The following PCDHGC3 variants were observed in gnomAD, a reference collection of about 807,000 sequenced individuals.
The protein encoded by PCDHGC3 is protocadherin gamma-C3.
In PCDHGC3, 26 loss-of-function variants were observed where a neutral mutation model predicts 59.2. The observed-to-expected ratio is 0.44, with a 90% CI of 0.32 to 0.61. PCDHGC3 has a LOEUF of 0.61. PCDHGC3 is among the 20% of genes least tolerant of loss of function. The pLI is 0.05. For synonymous variants in PCDHGC3, 487 were observed against 519.7 expected, an observed-to-expected ratio of 0.94 and a Z score of 0.86; for missense variants, 1,080 against 1,221.8, an observed-to-expected ratio of 0.88 and a Z score of 1.73.
In PCDHGC3 at chr5:141,486,329, A is replaced by C. The variant is rs1045072240; in HGVS notation, c.2430+7783A>C. 1.2e-6 allele frequency: 2 copies of C among 1,613,882 alleles called. No individual in the cohort carries two copies. Among genetic ancestry groups the C allele is most frequent in the African/African-American group, 2.7e-5 (2 of 74,866 alleles). ...AGACTCAGGGTCAAACGGAGATGTG[A>C]GCCTCCGCATTCCTGACCACTTGCC... On this transcript the variant is annotated intron_variant, in intron 1 of 3. Transcript: ENST00000308177. The surrounding 1 kb of genome is among the most constrained non-coding windows in gnomAD (Gnocchi z 5.0).
Position 141,477,286 on chromosome 5 carries a change from A to G in PCDHGC3, c.1170A>G (p.Glu390=), listed in dbSNP as rs1367207950. 1.9e-6 allele frequency: 3 copies of G among 1,614,194 alleles called. No individual in the cohort carries two copies. Among genetic ancestry groups the G allele is most frequent in the Non-Finnish European group, 8.5e-7 (1 of 1,180,034 alleles). ...GCGAGAACGGGCTGGTGACCTGCGA[A>G]GTTCCACCGGGTCTCCCTTTCAGCC... ...DAGENGLVTC[E]VPPGLPFSLT... is the part of the protein sequence containing the mutation. The change falls in exon 1 of 4, where the codon GAA becomes GAG. Residue 390 remains glutamate (E), a synonymous_variant. Coordinates refer to ENST00000308177, the MANE Select transcript of PCDHGC3 (RefSeq NM_002588.4). The surrounding 1 kb of genome is among the most constrained non-coding windows in gnomAD (Gnocchi z 4.9).
Position 141,476,472 on chromosome 5 carries a change from T to C in PCDHGC3, c.356T>C (p.Phe119Ser). Residue 119 changes from phenylalanine (F) to serine (S), a missense_variant, in exon 1 of 4, where the codon TTC (phenylalanine) becomes TCC (serine). By Grantham distance (155) the Phe-to-Ser change is radical. Coordinates refer to ENST00000308177, the MANE Select transcript of PCDHGC3 (RefSeq NM_002588.4). The surrounding 1 kb of genome is among the most constrained non-coding windows in gnomAD (Gnocchi z 7.6). The part of the protein sequence containing the change: ...ELVVENPLEL[F>S]SVEVVIQDIN... The stretch of plus-strand genomic sequence containing the variant: ...GTAGTGGAGAACCCGCTGGAGCTGT[T>C]CAGCGTGGAAGTGGTGATCCAGGAC... 1 of 1,614,098 alleles carries C rather than the reference T, an allele frequency of 6.2e-7. No homozygotes were observed. The highest frequency in any genetic ancestry group is 8.5e-7 in the Non-Finnish European group (1 of 1,180,024).
rs774682943 is a variant in PCDHGC3 at position 141,493,841 on chromosome 5, T to G, written c.2431-966T>G. Among the ~76,000 whole-genome samples the G allele has an allele frequency of 3.3e-5, 5 of 152,024 alleles. No homozygotes were observed. Among genetic ancestry groups the G allele is most frequent in the Non-Finnish European group, 7.4e-5 (5 of 68,010 alleles). On this transcript the variant is annotated intron_variant, in intron 1 of 3. Transcript: ENST00000308177. This position sits in a 1 kb window ranked among gnomAD's most constrained non-coding sequence, Gnocchi z 4.3. The stretch of plus-strand genomic sequence containing the variant: ...CTCTGCTTCTGGGAGCAAGTATGAG[T>G]ATTAATTACCAGCCCACCCCAGAAC...
intron 2 of PCDHGC3, among the ~76,000 whole-genome samples, chr5:141,496,468 C>T (rs1410143575): frequency 2.0e-5 from 3 of 152,126 alleles, no homozygotes; most frequent in Non-Finnish European, 4.4e-5. Context: ...AGTTATCTTT[C>T]CCCCATCCTG....
At chr5:141,495,073 C>T (rs1464039604) in intron 2 of PCDHGC3, among the ~76,000 whole-genome samples, 1 of 152,186 alleles carries the variant, frequency 6.6e-6, no homozygotes, top group Non-Finnish European at 1.5e-5. Flanking sequence ...GCTCAATTCA[C>T]ATGCTTGCCC....
intron 1 of PCDHGC3, among the ~76,000 whole-genome samples, chr5:141,482,985 C>T (rs971017271): frequency 1.3e-5 from 2 of 151,372 alleles, no homozygotes; most frequent in East Asian, 1.9e-4. Context: ...CTTGAGAGGT[C>T]GAGGCAGGAG....
In PCDHGC3 at chr5:141,476,850, A is replaced by G. The variant is rs747333239; in HGVS notation, c.734A>G (p.Asn245Ser). The G allele has an allele frequency of 1.2e-6, 2 of 1,613,836 alleles. No individual in the cohort carries two copies. Among genetic ancestry groups the G allele is most frequent in the Admixed American group, 3.3e-5 (2 of 60,030 alleles). ...LDANDNAPVF[N>S]QSLYRARVLE... ...GCGAATGACAATGCGCCTGTCTTCA[A>G]CCAGTCCTTGTACCGGGCGCGCGTC... is the stretch of plus-strand genomic sequence containing the variant. Residue 245 changes from asparagine (N) to serine (S), a missense_variant, in exon 1 of 4, where the codon AAC becomes AGC. Asn to Ser is a conservative substitution (Grantham distance 46, BLOSUM62 1). Transcript: ENST00000308177. The surrounding 1 kb of genome is among the most constrained non-coding windows in gnomAD (Gnocchi z 7.6).
chr5:141,488,751 C>T (rs1185515068), intron 1 of PCDHGC3, among the ~76,000 whole-genome samples: 1 of 152,154 alleles, frequency 6.6e-6, no homozygotes, highest in Non-Finnish European at 1.5e-5. Context: ...CAGGAAGTTG[C>T]TGGGACAGAA....
chr5:141,489,844 C>T lies in PCDHGC3; in HGVS notation c.2431-4963C>T, dbSNP rs1004902910. 4.3e-6 allele frequency: 7 copies of T among 1,614,148 alleles called. No homozygotes were observed. The African/African-American group carries it at 9.3e-5, about 22-fold the overall frequency. ...GCTGGTGCTAGAGCAGCAGCTGGAT[C>T]GTGAAGCCCAGGCAAGACATCAGCT... On this transcript the variant is annotated intron_variant, in intron 1 of 3. Transcript: ENST00000308177. The surrounding 1 kb of genome is among the most constrained non-coding windows in gnomAD (Gnocchi z 4.5).
chr5:141,492,859 C>T (rs966216924), intron 1 of PCDHGC3, among the ~76,000 whole-genome samples: 1 of 152,232 alleles, frequency 6.6e-6, no homozygotes, highest in Non-Finnish European at 1.5e-5. Flanking sequence ...CTCGAGCGCC[C>T]TGGCTCTCAA....
intron 2 of PCDHGC3, among the ~76,000 whole-genome samples, chr5:141,496,748 C>T (rs1382244657): frequency 6.6e-6 from 1 of 152,130 alleles, no homozygotes; most frequent in African/African-American, 2.4e-5. Flanking sequence ...ATTTATTCAA[C>T]AAATATTTAT....
At position 141,476,518 on chromosome 5, in the gene PCDHGC3, T is replaced by C; in HGVS notation, c.402T>C (p.Ala134=). 1 of 1,614,214 alleles carries C rather than the reference T, an allele frequency of 6.2e-7. No individual in the cohort carries two copies. Among genetic ancestry groups the C allele is most frequent in the Non-Finnish European group, 8.5e-7 (1 of 1,180,038 alleles). ...VIQDINDNNP[A]FPTQEMKLEI... ...AGGACATCAACGACAACAATCCTGC[T>C]TTCCCTACCCAGGAAATGAAATTGG... is the stretch of plus-strand genomic sequence containing the variant. Residue 134 remains alanine, a synonymous_variant, in exon 1 of 4, where the codon GCT becomes GCC. Transcript: ENST00000308177. This position sits in a 1 kb window ranked among gnomAD's most constrained non-coding sequence, Gnocchi z 7.6.
In PCDHGC3 at chr5:141,511,402, A is replaced by C; in HGVS notation, c.*229A>C. On this transcript the variant is annotated 3_prime_UTR_variant, in exon 4 of 4. Transcript: ENST00000308177. Reference sequence around the variant, plus strand: ...TTCCGCTGGGAACCCCCATCCAATCAACTGCTGTACCCATGGGGGTAGTGG... The same window carrying C: ...TTCCGCTGGGAACCCCCATCCAATCCACTGCTGTACCCATGGGGGTAGTGG... The C allele has an allele frequency of 1.0e-6, 1 of 969,684 alleles. No individual in the cohort carries two copies. 60.1% of individuals were successfully genotyped at this position (969,684 alleles called of 1,614,324 possible).
Position 141,489,065 on chromosome 5 carries a change from C to T in PCDHGC3, c.2431-5742C>T, listed in dbSNP as rs558074504. On this transcript the variant is annotated intron_variant, in intron 1 of 3. Coordinates refer to ENST00000308177, the MANE Select transcript of PCDHGC3 (RefSeq NM_002588.4). This position sits in a 1 kb window ranked among gnomAD's most constrained non-coding sequence, Gnocchi z 4.5. ...CCACTCAAATTCAGCTCCCCTCCCC[C>T]CTGCCCACCCCCGCCACTCGGTGAC... 3.3e-5 allele frequency: 13 copies of T among 388,932 alleles called. 1 individual carries two copies. Among genetic ancestry groups the T allele is most frequent in the African/African-American group, 8.5e-5 (4 of 47,158 alleles). 24.1% of individuals were successfully genotyped at this position (388,932 alleles called of 1,614,324 possible).
At position 141,489,657 on chromosome 5, in the gene PCDHGC3, G is replaced by T. The variant is rs755618175; in HGVS notation, c.2431-5150G>T. 6.2e-7 allele frequency: 1 copy of T among 1,614,198 alleles called. No individual in the cohort carries two copies. Among genetic ancestry groups the T allele is most frequent in the Admixed American group, 1.7e-5 (1 of 60,030 alleles). ...CTAGCTTTGCCACCCCTGAGCGAGA[G>T]ATGCGCATCTCAGAATCAGCAGCAT... On this transcript the variant is annotated intron_variant, in intron 1 of 3. Coordinates refer to ENST00000308177, the MANE Select transcript of PCDHGC3 (RefSeq NM_002588.4). This position sits in a 1 kb window ranked among gnomAD's most constrained non-coding sequence, Gnocchi z 4.5.
chr5:141,478,519 G>T lies in PCDHGC3; in HGVS notation c.2403G>T (p.Leu801Phe), dbSNP rs778194073. 1.2e-5 allele frequency: 19 copies of T among 1,610,728 alleles called. No individual in the cohort carries two copies. The highest frequency in any genetic ancestry group is 1.6e-5 in the Non-Finnish European group (19 of 1,178,412). The change falls in exon 1 of 4, where the codon TTG becomes TTT. Residue 801 changes from leucine (L) to phenylalanine (F), a missense_variant. Coordinates refer to ENST00000308177, the MANE Select transcript of PCDHGC3 (RefSeq NM_002588.4). ...SCDPVFYRQV[L>F]GAESAPPGQQ... ...ATCCGGTGTTCTATAGGCAGGTGTT[G>T]GGTGCAGAGAGCGCCCCTCCCGGAC...
rs1394484191 is a variant in PCDHGC3 at position 141,486,006 on chromosome 5, C to T, written c.2430+7460C>T. The T allele has an allele frequency of 6.2e-7, 1 of 1,614,190 alleles. No individual in the cohort carries two copies. Among genetic ancestry groups the T allele is most frequent in the Non-Finnish European group, 8.5e-7 (1 of 1,180,026 alleles). Reference sequence around the variant, plus strand: ...GACCTGGGTCCCAGTGGTAACGTCACCTTTTATTTCAGTGGTCATACCCCT... The same window carrying T: ...GACCTGGGTCCCAGTGGTAACGTCATCTTTTATTTCAGTGGTCATACCCCT... On this transcript the variant is annotated intron_variant, in intron 1 of 3. Coordinates refer to ENST00000308177, the MANE Select transcript of PCDHGC3 (RefSeq NM_002588.4). This position sits in a 1 kb window ranked among gnomAD's most constrained non-coding sequence, Gnocchi z 5.0.
chr5:141,497,885 A>T (rs1469477968), intron 2 of PCDHGC3, among the ~76,000 whole-genome samples: 1 of 152,166 alleles, frequency 6.6e-6, no homozygotes, highest in Non-Finnish European at 1.5e-5. Flanking sequence ...AAGCGTTAGG[A>T]TCTAGTCCAG....
Position 141,511,643 on chromosome 5 carries a change from C to T in PCDHGC3, c.*470C>T, listed in dbSNP as rs937995879. ...TGAAAAGTTGGAAGGGCATCATGACCTCTTGGCCTCTCCTTTGATTCTCAA... is the reference window on the plus strand; with the variant it reads ...TGAAAAGTTGGAAGGGCATCATGACTTCTTGGCCTCTCCTTTGATTCTCAA... On this transcript the variant is annotated 3_prime_UTR_variant, in exon 4 of 4. Coordinates refer to ENST00000308177, the MANE Select transcript of PCDHGC3 (RefSeq NM_002588.4). 4 of 218,904 alleles carry T rather than the reference C, an allele frequency of 1.8e-5. No homozygotes were observed. The highest frequency in any genetic ancestry group is 5.2e-5 in the Admixed American group (1 of 19,306). 13.6% of individuals were successfully genotyped at this position (218,904 alleles called of 1,614,324 possible). A position where few individuals can be genotyped will look rare whatever the true frequency, so the allele number is the denominator to read the frequency against.
Sources: allele counts gnomAD v4.1 joint callset (sites outside exome capture counted in the v4.1 genomes callset), GRCh38; gene constraint gnomAD v4.1.1; non-coding constraint Gnocchi (gnomAD v3.1); transcripts MANE v1.5; gene names NCBI Gene and HGNC (gene_info 2026-07-23, HGNC 2026-07-21).